TWNK: variants seen among roughly 807,000 people sequenced by gnomAD.
The protein encoded by TWNK is T7 gp4-like protein with intramitochondrial nucleoid localization.
Under a neutral mutation model 58.2 loss-of-function variants are expected in TWNK, and 36 were observed. The observed-to-expected ratio is 0.62, with a 90% confidence interval of 0.47 to 0.82. TWNK has a LOEUF of 0.82. Ranked by LOEUF, TWNK falls within the 40% of genes least tolerant of loss-of-function variation. The probability of loss-of-function intolerance (pLI) is 0.00; values close to 1 mark genes in which losing one functional copy is unlikely to be tolerated. For missense variants in TWNK, 714 were observed against 881.0 expected (o/e 0.81, Z 2.40); for synonymous variants, 349 against 348.5 (o/e 1.00, Z -0.02).
chr10:100,987,971 C>T lies in TWNK; in HGVS notation c.-240C>T, dbSNP rs1234203027. The T allele has an allele frequency of 4.3e-5, 27 of 634,642 alleles. No homozygotes were observed. Among genetic ancestry groups the T allele is most frequent in the Non-Finnish European group, 7.1e-5 (25 of 352,764 alleles). The allele number at this position is 634,642 out of a possible 1,614,324, so 39.3% of individuals were successfully genotyped here. A position where few individuals can be genotyped will look rare whatever the true frequency, so the allele number is the denominator to read the frequency against. On this transcript the variant is annotated 5_prime_UTR_variant, in exon 1 of 5. Transcript: ENST00000311916. ...GGCGGAGAGAAACTAACTAACGGAC[C>T]ATAGAGGTGGGGGAGCCATTGTAGA...
Position 100,993,366 on chromosome 10 carries a change from G to T in TWNK, c.1911G>T (p.Arg637=). Residue 637 remains arginine, a synonymous_variant, in exon 5 of 5, where the codon CGG becomes CGT. Transcript: ENST00000311916. The part of the protein sequence containing the change: ...TFSIPPKNKA[R]LKKIKDDTGP... ...CCATTCCACCAAAGAACAAGGCCCG[G>T]CTCAAGAAGATCAAGGATGACACTG... 1 of 1,614,176 alleles carries T rather than the reference G, an allele frequency of 6.2e-7. No individual in the cohort carries two copies. Among genetic ancestry groups the T allele is most frequent in the Non-Finnish European group, 8.5e-7 (1 of 1,180,042 alleles).
In TWNK at chr10:100,993,788, C is replaced by A; in HGVS notation, c.*278C>A. 2.0e-6 allele frequency: 1 copy of A among 502,842 alleles called. No individual in the cohort carries two copies. The highest frequency in any genetic ancestry group is 3.6e-6 in the Non-Finnish European group (1 of 280,548). 31.1% of individuals were successfully genotyped at this position (502,842 alleles called of 1,614,324 possible). On this transcript the variant is annotated 3_prime_UTR_variant, in exon 5 of 5. Transcript: ENST00000311916. ...CATTCTGGCGGAAGAGACAAGCAAG[C>A]AATGAACAAATTAGCAGAAAACCTA...
In TWNK at chr10:100,987,584, G is replaced by A; in HGVS notation, c.-627G>A. The A allele has an allele frequency of 7.8e-7, 1 of 1,290,236 alleles. No individual in the cohort carries two copies. The highest frequency in any genetic ancestry group is 1.0e-6 in the Non-Finnish European group (1 of 963,244). 79.9% of individuals were successfully genotyped at this position (1,290,236 alleles called of 1,614,324 possible). ...CGAGTAGCATGTGCGGGAGACTCAC[G>A]TTGCCGGCGAAGTGGGAGAGAGAAA... On this transcript the variant is annotated 5_prime_UTR_variant, in exon 1 of 5. Coordinates refer to ENST00000311916, the MANE Select transcript of TWNK (RefSeq NM_021830.5).
intron 4 of TWNK, 126 bp from the exon 5 acceptor site, chr10:100,993,064 G>A: frequency 2.0e-6 from 2 of 993,254 alleles, no homozygotes; most frequent in South Asian, 2.6e-5. Flanking sequence ...GGGATTACAG[G>A]CGTGAGCCAT....
In TWNK at chr10:100,989,755, C is replaced by CAATGTGA; in HGVS notation, c.1355_1356insAATGTGA (p.Arg453MetfsTer2). 6.2e-7 allele frequency: 1 copy of CAATGTGA among 1,614,198 alleles called. No individual in the cohort carries two copies. Among genetic ancestry groups the CAATGTGA allele is most frequent in the Non-Finnish European group, 8.5e-7 (1 of 1,180,040 alleles). On this transcript the variant is annotated stop_gained and frameshift_variant, in exon 2 of 5. Transcript: ENST00000311916. LOFTEE classifies it high-confidence loss of function. This position sits in a 1 kb window ranked among gnomAD's most constrained non-coding sequence, Gnocchi z 7.6. ...TTCGAGATCAGCAATGTGAGACTAG[C>CAATGTGA]CCGGGTCATGCTGACACAGTTTGCC...
At position 100,990,460 on chromosome 10, in the gene TWNK, T is replaced by C. The variant is rs1352063008; in HGVS notation, c.1509T>C (p.His503=). ...GGACTGTAATAGATACAATGCAACATGCAGTCTACGTCTATGACATTTGTC... is the reference window on the plus strand; with the variant it reads ...GGACTGTAATAGATACAATGCAACACGCAGTCTACGTCTATGACATTTGTC... ...SIRTVIDTMQ[H]AVYVYDICHV... The change falls in exon 3 of 5, where the codon CAT becomes CAC. Residue 503 remains histidine, a synonymous_variant. Transcript: ENST00000311916. The C allele has an allele frequency of 3.1e-6, 5 of 1,613,980 alleles. No homozygotes were observed. The highest frequency in any genetic ancestry group is 4.2e-6 in the Non-Finnish European group (5 of 1,179,938).
chr10:100,990,750 G>C (rs1851745760), intron 3 of TWNK, 119 bp from the exon 4 acceptor site: 8 of 1,555,906 alleles, frequency 5.1e-6, no homozygotes, highest in Non-Finnish European at 7.1e-6. Context: ...GAGTCCTTGG[G>C]TAGAGGGAGG....
At position 100,987,955 on chromosome 10, in the gene TWNK, AAACT is replaced by A. The variant is rs372194132; in HGVS notation, c.-248_-245del. ...GTCATAGAGGTGAGGTGGCGGAGAG[AAACT>A]AACTAACGGACCATAGAGGTGGGGG... On this transcript the variant is annotated 5_prime_UTR_variant, in exon 1 of 5. Coordinates refer to ENST00000311916, the MANE Select transcript of TWNK (RefSeq NM_021830.5). 80 of 622,928 alleles carry A rather than the reference AAACT, an allele frequency of 1.3e-4. No homozygotes were observed. The highest frequency in any genetic ancestry group is 6.2e-4 in the African/African-American group (34 of 54,614). The allele number at this position is 622,928 out of a possible 1,614,324, so 38.6% of individuals were successfully genotyped here.
intron 3 of TWNK, 53 bp downstream of exon 3, chr10:100,990,596 C>T (rs1456589820): frequency 5.6e-6 from 9 of 1,612,852 alleles, no homozygotes; most frequent in Non-Finnish European, 7.6e-6. Flanking sequence ...ACATACAACA[C>T]ACACTTCTCA....
At chr10:100,990,384 C>A in intron 2 of TWNK, 52 bp from the exon 3 acceptor site, 2 of 1,314,710 alleles carry the variant, frequency 1.5e-6, no homozygotes, top group Non-Finnish European at 2.2e-6. Context: ...GTTCTTCTGC[C>A]TGGGGTGGTC....
At chr10:100,992,079 T>C (rs1303093533) in intron 4 of TWNK, among the ~76,000 whole-genome samples, 1 of 148,750 alleles carries the variant, frequency 6.7e-6, no homozygotes, top group Non-Finnish European at 1.5e-5. Context: ...AGCATGCACC[T>C]TTGGTCCCAG....
At chr10:100,992,859 T>C (rs1000237544) in intron 4 of TWNK, among the ~76,000 whole-genome samples, 2 of 152,038 alleles carry the variant, frequency 1.3e-5, no homozygotes, top group Admixed American at 1.3e-4. Context: ...CAATCTTGGC[T>C]CACTGCAACC....
In TWNK at chr10:100,987,574, G is replaced by T; in HGVS notation, c.-637G>T. The T allele has an allele frequency of 2.2e-6, 3 of 1,347,946 alleles. No homozygotes were observed. The highest frequency in any genetic ancestry group is 3.0e-6 in the Non-Finnish European group (3 of 1,013,354). 83.5% of individuals were successfully genotyped at this position (1,347,946 alleles called of 1,614,324 possible). A position where few individuals can be genotyped will look rare whatever the true frequency, so the allele number is the denominator to read the frequency against. On this transcript the variant is annotated 5_prime_UTR_variant, in exon 1 of 5. Coordinates refer to ENST00000311916, the MANE Select transcript of TWNK (RefSeq NM_021830.5). ...GAGGTCAAGGCGAGTAGCATGTGCG[G>T]GAGACTCACGTTGCCGGCGAAGTGG...
rs750243092 is a variant in TWNK at position 100,989,602 on chromosome 10, T to C, written c.1244-42T>C. 6.2e-7 allele frequency: 1 copy of C among 1,613,112 alleles called. No individual in the cohort carries two copies. On this transcript the variant is annotated intron_variant, in intron 1 of 4. Coordinates refer to ENST00000311916, the MANE Select transcript of TWNK (RefSeq NM_021830.5). The surrounding 1 kb of genome is among the most constrained non-coding windows in gnomAD (Gnocchi z 7.6). ...CTGACCTATGTCTTGGTTTCAAGGGTAGGACTTCCTCCTCACCCAGGTCTG... is the reference window on the plus strand; with the variant it reads ...CTGACCTATGTCTTGGTTTCAAGGGCAGGACTTCCTCCTCACCCAGGTCTG...
At chr10:100,990,658 G>A in intron 3 of TWNK, 115 bp downstream of exon 3, 1 of 1,605,752 alleles carries the variant, frequency 6.2e-7, no homozygotes, top group Non-Finnish European at 8.5e-7. Flanking sequence ...TCTGAGATGT[G>A]TGCAGGCACG....
Position 100,987,955 on chromosome 10 carries a change from A to T in TWNK, c.-256A>T, listed in dbSNP as rs1851621315. On this transcript the variant is annotated 5_prime_UTR_variant, in exon 1 of 5. Coordinates refer to ENST00000311916, the MANE Select transcript of TWNK (RefSeq NM_021830.5). ...GTCATAGAGGTGAGGTGGCGGAGAG[A>T]AACTAACTAACGGACCATAGAGGTG... 1 of 622,810 alleles carries T rather than the reference A, an allele frequency of 1.6e-6. No individual in the cohort carries two copies. The highest frequency in any genetic ancestry group is 1.8e-5 in the African/African-American group (1 of 54,492). 38.6% of individuals were successfully genotyped at this position (622,810 alleles called of 1,614,324 possible).
chr10:100,987,998 G>C lies in TWNK; in HGVS notation c.-213G>C, dbSNP rs1003774635. 1.5e-6 allele frequency: 1 copy of C among 653,738 alleles called. No homozygotes were observed. Among genetic ancestry groups the C allele is most frequent in the Non-Finnish European group, 2.7e-6 (1 of 364,042 alleles). 40.5% of individuals were successfully genotyped at this position (653,738 alleles called of 1,614,324 possible). The stretch of plus-strand genomic sequence containing the variant: ...TAGAGGTGGGGGAGCCATTGTAGAA[G>C]GACGTGGACGCGAAAGGGTCGTGTA... On this transcript the variant is annotated 5_prime_UTR_variant, in exon 1 of 5. Transcript: ENST00000311916.
chr10:100,990,337 G>A, intron 2 of TWNK, 99 bp from the exon 3 acceptor site: 1 of 853,956 alleles, frequency 1.2e-6, no homozygotes, highest in East Asian at 2.4e-5. Context: ...ATAATAGAAG[G>A]GCAGAGGAGG....
chr10:100,991,135 G>A, intron 4 of TWNK, 125 bp downstream of exon 4: 1 of 1,393,856 alleles, frequency 7.2e-7, no homozygotes, highest in Non-Finnish European at 9.9e-7. Flanking sequence ...CAATGCCTCT[G>A]GGGCCATGAC....
Sources: allele counts gnomAD v4.1 joint callset (sites outside exome capture counted in the v4.1 genomes callset), GRCh38; gene constraint gnomAD v4.1.1; non-coding constraint Gnocchi (gnomAD v3.1); transcripts MANE v1.5; gene names NCBI Gene and HGNC (gene_info 2026-07-23, HGNC 2026-07-21).